Variants in MTMR10 observed in about 807,000 individuals in gnomAD.
MTMR10 encodes myotubularin related protein 10, also known as myotubularin-related protein 10.
A neutral mutation model predicts 88.1 loss-of-function variants in MTMR10; 56 were observed. That is an observed-to-expected ratio of 0.64 (90% CI 0.51 to 0.79). MTMR10 has a LOEUF of 0.79. Among genes scored for constraint, MTMR10 ranks in the 30% least tolerant of loss-of-function variants. The probability of loss-of-function intolerance (pLI) is 0.00; values close to 1 mark genes in which losing one functional copy is unlikely to be tolerated. For missense variants in MTMR10, 883 were observed against 924.7 expected, an observed-to-expected ratio of 0.95 and a Z score of 0.58; for synonymous variants, 380 against 340.9, an observed-to-expected ratio of 1.11 and a Z score of -1.26.
At chr15:30,925,945 T>C in the MTMR10 span, 3 of 1,613,856 alleles carry the variant, frequency 1.9e-6, no homozygotes, top group African/African-American at 2.7e-5. Flanking sequence ...CCAGGGTAAC[T>C]GAGCAGGCTT....
chr15:30,968,086 C>T (rs1002730074), intron 5 of MTMR10, 76 bp from the exon 6 acceptor site: 11 of 1,021,970 alleles, frequency 1.1e-5, no homozygotes, highest in African/African-American at 3.3e-5. Flanking sequence ...GCCTTGGGCA[C>T]TGGGAGCATC....
chr15:30,971,928 T>C (rs2063542931), intron 5 of MTMR10, among the ~76,000 whole-genome samples: 1 of 152,130 alleles, frequency 6.6e-6, no homozygotes, highest in African/African-American at 2.4e-5. Flanking sequence ...TCTAATTTTG[T>C]CATAATACAA....
At chr15:30,969,113 T>C (rs1406055259) in intron 5 of MTMR10, among the ~76,000 whole-genome samples, 1 of 152,116 alleles carries the variant, frequency 6.6e-6, no homozygotes, top group African/African-American at 2.4e-5. Flanking sequence ...GTGTTTGGAG[T>C]GGGTTGATGC....
intron 14 of MTMR10, chr15:30,946,507 A>G (rs2063173376): frequency 2.0e-6 from 1 of 505,334 alleles, no homozygotes; most frequent in Non-Finnish European, 3.5e-6. Context: ...AAGACCCCGG[A>G]GCTCACTATG....
At chr15:30,970,636 G>C (rs1486596407) in intron 5 of MTMR10, among the ~76,000 whole-genome samples, 1 of 152,146 alleles carries the variant, frequency 6.6e-6, no homozygotes, top group Non-Finnish European at 1.5e-5. Context: ...TTAGAAAGCA[G>C]TTACATGCTC....
chr15:30,983,592 C>T (rs1346516246), intron 2 of MTMR10, among the ~76,000 whole-genome samples: 1 of 152,226 alleles, frequency 6.6e-6, no homozygotes, highest in Non-Finnish European at 1.5e-5. Context: ...GGCAAAGTCT[C>T]ACGGCACACG....
chr15:30,937,238 G>C (rs1397361860), downstream of MTMR10: 9 of 1,613,722 alleles, frequency 5.6e-6, no homozygotes, highest in Non-Finnish European at 5.9e-6. Context: ...TTGGAGCTAA[G>C]AGCCAAAGCC....
chr15:30,942,485 A>G (rs1017123091), intron 15 of MTMR10: 5 of 261,636 alleles, frequency 1.9e-5, no homozygotes, highest in African/African-American at 1.1e-4. Flanking sequence ...ACCAAAAAAA[A>G]TCCCAAGAAT....
At chr15:30,925,400 GAAT>G in the MTMR10 span, 4 of 1,094,278 alleles carry the variant, frequency 3.7e-6, no homozygotes, top group Non-Finnish European at 5.2e-6. Flanking sequence ...TTTAGACTCG[GAAT>G]AATCTAAAAC....
chr15:30,950,579 A>T (rs2063230149), intron 12 of MTMR10, among the ~76,000 whole-genome samples: 1 of 152,052 alleles, frequency 6.6e-6, no homozygotes, highest in Non-Finnish European at 1.5e-5. Flanking sequence ...CTGAAGCAGG[A>T]GAATCGCTTG....
At chr15:30,955,341 G>A (rs1179739146) in intron 9 of MTMR10, among the ~76,000 whole-genome samples, 1 of 152,150 alleles carries the variant, frequency 6.6e-6, no homozygotes, top group Admixed American at 6.5e-5. Flanking sequence ...CACCATCTCG[G>A]CTCACTGCAA....
Position 30,941,418 on chromosome 15 carries a change from C to A in MTMR10, c.*52G>T. ...AACGCCTAGGTTAGCAATGTTAATT[C>A]AGAGGAAAAAAGTTGACAGCTTCCC... On this transcript the variant is annotated 3_prime_UTR_variant, in exon 16 of 16. Coordinates refer to ENST00000435680, the MANE Select transcript of MTMR10 (RefSeq NM_017762.3). 2 of 1,564,558 alleles carry A rather than the reference C, an allele frequency of 1.3e-6. No homozygotes were observed. Among genetic ancestry groups the A allele is most frequent in the South Asian group, 2.5e-5 (2 of 81,320 alleles).
Position 30,940,980 on chromosome 15 carries a change from G to C in MTMR10, c.*490C>G, listed in dbSNP as rs1162743421. The stretch of plus-strand genomic sequence containing the variant: ...TCTAAAATCATAAATTCTGGCCCCA[G>C]AACACTGAACCTTCATCAGGTGAGT... On this transcript the variant is annotated 3_prime_UTR_variant, in exon 16 of 16. Coordinates refer to ENST00000435680, the MANE Select transcript of MTMR10 (RefSeq NM_017762.3). 1 of 1,121,782 alleles carries C rather than the reference G, an allele frequency of 8.9e-7. No homozygotes were observed. The highest frequency in any genetic ancestry group is 1.1e-6 in the Non-Finnish European group (1 of 908,426). 69.5% of individuals were successfully genotyped at this position (1,121,782 alleles called of 1,614,324 possible).
intron 4 of MTMR10, 109 bp downstream of exon 4, chr15:30,974,822 A>C: frequency 1.3e-6 from 1 of 768,078 alleles, no homozygotes; most frequent in South Asian, 3.3e-5. Context: ...CGGCAAAAGT[A>C]AACTTACAGA....
intron 14 of MTMR10, 101 bp downstream of exon 14, chr15:30,947,029 A>C: frequency 7.2e-7 from 1 of 1,394,796 alleles, no homozygotes; most frequent in Non-Finnish European, 9.6e-7. Context: ...TAAGAATTTT[A>C]AATCATAAGA....
At chr15:30,920,242 C>T in the MTMR10 span, among the ~76,000 whole-genome samples, 1 of 152,078 alleles carries the variant, frequency 6.6e-6, no homozygotes, top group Non-Finnish European at 1.5e-5. Context: ...ACATAAAAAC[C>T]ATTCTTAGTT....
At chr15:30,980,608 T>G (rs1472615351) in intron 2 of MTMR10, among the ~76,000 whole-genome samples, 1 of 152,170 alleles carries the variant, frequency 6.6e-6, no homozygotes, top group Middle Eastern at 3.2e-3. Flanking sequence ...AGCTCTTGCT[T>G]TTAAAATACC....
intron 2 of MTMR10, among the ~76,000 whole-genome samples, chr15:30,985,565 T>C (rs148906722): frequency 1.6e-4 from 24 of 152,318 alleles, no homozygotes; most frequent in South Asian, 4.1e-4. Context: ...CAGCAAACTA[T>C]AGTTTTCACA....
the MTMR10 span, chr15:30,929,097 ATG>A: frequency 1.1e-6 from 1 of 901,142 alleles, no homozygotes; most frequent in Non-Finnish European, 1.7e-6. Flanking sequence ...GAGAGAAAGA[ATG>A]TATCGGTTGG....
Sources: allele counts gnomAD v4.1 joint callset (sites outside exome capture counted in the v4.1 genomes callset), GRCh38; gene constraint gnomAD v4.1.1; transcripts MANE v1.5; gene names NCBI Gene and HGNC (gene_info 2026-07-23, HGNC 2026-07-21).